The following XYLT1 variants were observed in gnomAD, a reference collection of about 807,000 sequenced individuals.
XYLT1 encodes beta-D-xylosyltransferase 1.
A neutral mutation model predicts 91.3 loss-of-function variants in XYLT1; 36 were observed. The observed-to-expected ratio is 0.39, with a 90% CI of 0.30 to 0.52. The LOEUF is 0.52. Among genes scored for constraint, XYLT1 ranks in the 20% least tolerant of loss-of-function variants. XYLT1 has a pLI of 0.68. For missense variants in XYLT1, 1,242 were observed against 1,284.5 expected (o/e 0.97, Z 0.51); for synonymous variants, 588 against 532.0 (o/e 1.11, Z -1.45).
rs554017038 is a variant in XYLT1, at chr16:17,375,939, G to A, written c.364-17889C>T. On this transcript the variant is annotated intron_variant, in intron 1 of 11. Coordinates refer to ENST00000261381, the MANE Select transcript of XYLT1 (RefSeq NM_022166.4). ...GGAGGTGGCAGTGTTGAAAAGGGAC[G>A]GTCATCACTGCACCACCATTACCAT... Among the ~76,000 whole-genome samples the A allele has an allele frequency of 3.9e-5, 6 of 152,356 alleles. No homozygotes were observed. The South Asian group carries it at 1.2e-3, about 32-fold the overall frequency.
chr16:17,343,472 A>T (rs990017226), intron 2 of XYLT1, among the ~76,000 whole-genome samples: 6 of 151,772 alleles, frequency 4.0e-5, no homozygotes, highest in Non-Finnish European at 8.8e-5. Context: ...TTTTAAAATG[A>T]AAAAAAAGAA....
chr16:17,222,393 C>G (rs764521311), intron 3 of XYLT1, among the ~76,000 whole-genome samples: 6 of 152,100 alleles, frequency 3.9e-5, no homozygotes, highest in Non-Finnish European at 7.4e-5. Flanking sequence ...TACGGGACGG[C>G]CCCCACAGAA....
At chr16:17,286,892 G>C (rs867913335) in intron 2 of XYLT1, among the ~76,000 whole-genome samples, 1 of 152,056 alleles carries the variant, frequency 6.6e-6, no homozygotes, top group East Asian at 1.9e-4. Context: ...GGAAACTTAC[G>C]TTCAGAGTTC....
At chr16:17,452,946 A>G (rs990487555) in intron 1 of XYLT1, among the ~76,000 whole-genome samples, 3 of 152,234 alleles carry the variant, frequency 2.0e-5, no homozygotes, top group African/African-American at 7.2e-5. Flanking sequence ...ACAAAAGTAA[A>G]TATTCCAACA....
chr16:17,197,007 T>C (rs914004997), intron 5 of XYLT1, among the ~76,000 whole-genome samples: 1 of 102,694 alleles, frequency 9.7e-6, no homozygotes, highest in Non-Finnish European at 1.9e-5. Flanking sequence ...CGAGACTCTG[T>C]CTCCAAAATA....
At chr16:17,335,738 T>G (rs2034971041) in intron 2 of XYLT1, among the ~76,000 whole-genome samples, 1 of 152,194 alleles carries the variant, frequency 6.6e-6, no homozygotes, top group Non-Finnish European at 1.5e-5. Flanking sequence ...TTTTCCATTT[T>G]TTGCCCTATC....
At chr16:17,142,750 T>C (rs1324104780) in intron 6 of XYLT1, among the ~76,000 whole-genome samples, 3 of 152,210 alleles carry the variant, frequency 2.0e-5, no homozygotes, top group Admixed American at 1.3e-4. Context: ...GCCTAACTCC[T>C]GAAATTTTGA....
Position 17,272,192 on chromosome 16 carries a change from C to T in XYLT1, c.403-12694G>A, listed in dbSNP as rs370628043. Among the ~76,000 whole-genome samples the T allele has an allele frequency of 3.0e-3, 360 of 120,838 alleles. 3 individuals are homozygous for T. Among genetic ancestry groups the T allele is most frequent in the African/African-American group, 0.011 (343 of 31,514 alleles). The allele number at this position is 120,838 out of a possible 152,430, so 79.3% of individuals were successfully genotyped here. On this transcript the variant is annotated intron_variant, in intron 2 of 11. Coordinates refer to ENST00000261381, the MANE Select transcript of XYLT1 (RefSeq NM_022166.4). ...TTTTTTTTTTTTTGAGACAGAGTCTCGCTTTGTCACCCAGGCTGGAGTGCA... is the reference window on the plus strand; with the variant it reads ...TTTTTTTTTTTTTGAGACAGAGTCTTGCTTTGTCACCCAGGCTGGAGTGCA...
chr16:17,345,664 A>G (rs2035134033), intron 2 of XYLT1, among the ~76,000 whole-genome samples: 1 of 152,252 alleles, frequency 6.6e-6, no homozygotes, highest in Non-Finnish European at 1.5e-5. Flanking sequence ...GAGCAAGTGA[A>G]AGAGTTGGGA....
At chr16:17,162,861 T>C (rs925573500) in intron 5 of XYLT1, among the ~76,000 whole-genome samples, 2 of 152,230 alleles carry the variant, frequency 1.3e-5, no homozygotes, top group Non-Finnish European at 2.9e-5. Context: ...TTCTCTGCTT[T>C]CCATCTTTAT....
chr16:17,334,055 TCA>T (rs1443064624), intron 2 of XYLT1, among the ~76,000 whole-genome samples: 1 of 152,026 alleles, frequency 6.6e-6, no homozygotes, highest in Non-Finnish European at 1.5e-5. Context: ...CCATGTGAGG[TCA>T]CAGAGTTCAT....
intron 2 of XYLT1, among the ~76,000 whole-genome samples, chr16:17,299,488 A>C (rs1567362939): frequency 6.6e-6 from 1 of 152,234 alleles, no homozygotes; most frequent in African/African-American, 2.4e-5. Flanking sequence ...AATTACTCAG[A>C]TGATATTAAT....
At chr16:17,318,288 A>G (rs2034666736) in intron 2 of XYLT1, among the ~76,000 whole-genome samples, 2 of 152,238 alleles carry the variant, frequency 1.3e-5, no homozygotes, top group African/African-American at 2.4e-5. Flanking sequence ...ACTGAGCTAC[A>G]CAGCCTCATC....
chr16:17,311,613 C>T (rs1359760782), intron 2 of XYLT1, among the ~76,000 whole-genome samples: 1 of 152,190 alleles, frequency 6.6e-6, no homozygotes, highest in African/African-American at 2.4e-5. Flanking sequence ...CTTCCTTCTT[C>T]AACAACGTTG....
chr16:17,239,723 C>A (rs1161540031), intron 3 of XYLT1, among the ~76,000 whole-genome samples: 1 of 151,780 alleles, frequency 6.6e-6, no homozygotes, highest in Non-Finnish European at 1.5e-5. Context: ...CCCACCGAGT[C>A]TGTCTGTCCT....
At chr16:17,239,588 AGTCC>A (rs750020144) in intron 3 of XYLT1, among the ~76,000 whole-genome samples, 13 of 94,042 alleles carry the variant, frequency 1.4e-4, no homozygotes, top group Non-Finnish European at 2.9e-4. Context: ...CCACTCACCT[AGTCC>A]GTCCATCCAT....
At chr16:17,178,647 AAC>A (rs1447446705) in intron 5 of XYLT1, among the ~76,000 whole-genome samples, 1 of 152,224 alleles carries the variant, frequency 6.6e-6, no homozygotes, top group East Asian at 1.9e-4. Context: ...ATTTTACTGG[AAC>A]ACAGTCATAC....
At chr16:17,316,951 T>G (rs886751672) in intron 2 of XYLT1, among the ~76,000 whole-genome samples, 3 of 150,978 alleles carry the variant, frequency 2.0e-5, no homozygotes, top group African/African-American at 7.3e-5. Flanking sequence ...GCCTCCCGAG[T>G]AGCTGGGACT....
At chr16:17,424,642 G>A (rs993704646) in intron 1 of XYLT1, among the ~76,000 whole-genome samples, 1 of 152,118 alleles carries the variant, frequency 6.6e-6, no homozygotes, top group Non-Finnish European at 1.5e-5. Flanking sequence ...GGCCGAGGCA[G>A]GCGGATCACG....
Sources: gnomAD v4.1 joint callset for allele counts (sites outside exome capture counted in the v4.1 genomes callset) on GRCh38, gnomAD v4.1.1 for gene constraint, MANE v1.5 for transcripts, NCBI Gene and HGNC (gene_info 2026-07-23, HGNC 2026-07-21) for gene names.